Variants in KCNAB1 observed in about 807,000 individuals in gnomAD.
KCNAB1 encodes potassium voltage-gated channel subfamily A regulatory beta subunit 1.
A neutral mutation model predicts 64.6 loss-of-function variants in KCNAB1; 35 were observed. The observed-to-expected ratio is 0.54, with a 90% confidence interval of 0.41 to 0.72. The LOEUF is 0.72. Ranked by LOEUF, KCNAB1 falls within the 30% of genes least tolerant of loss-of-function variation. The pLI is 0.00. For synonymous variants in KCNAB1, 177 were observed against 183.8 expected, an observed-to-expected ratio of 0.96 and a Z score of 0.30; for missense variants, 401 against 512.9, an observed-to-expected ratio of 0.78 and a Z score of 2.11.
At position 156,421,613 on chromosome 3, in the gene KCNAB1, T is replaced by C. The variant is rs1171720229; in HGVS notation, c.276-3T>C. 2.5e-6 allele frequency: 4 copies of C among 1,613,770 alleles called. No individual in the cohort carries two copies. Among genetic ancestry groups the C allele is most frequent in the Admixed American group, 3.3e-5 (2 of 59,992 alleles). ...ACCAAGTGTTGCTTTGTTTTTATTATAGGAATCTTGGAAAATCAGGACTCA... is the reference window on the plus strand; with the variant it reads ...ACCAAGTGTTGCTTTGTTTTTATTACAGGAATCTTGGAAAATCAGGACTCA... On this transcript the variant is annotated splice_region_variant and splice_polypyrimidine_tract_variant and intron_variant, in intron 1 of 13. Coordinates refer to ENST00000490337, the MANE Select transcript of KCNAB1 (RefSeq NM_172160.3).
At chr3:156,281,512 A>G (rs1269744228) in intron 1 of KCNAB1, among the ~76,000 whole-genome samples, 3 of 151,852 alleles carry the variant, frequency 2.0e-5, no homozygotes, top group Admixed American at 6.6e-5. Flanking sequence ...CTCTTTTTCT[A>G]TTGATTGGAA....
intron 1 of KCNAB1, chr3:156,291,345 A>G: frequency 2.0e-6 from 2 of 992,782 alleles, no homozygotes; most frequent in Non-Finnish European, 2.4e-6. Flanking sequence ...GATGGAGACC[A>G]CCAGTCCGAG....
intron 1 of KCNAB1, among the ~76,000 whole-genome samples, chr3:156,368,297 G>A (rs970548900): frequency 2.6e-5 from 4 of 152,196 alleles, no homozygotes; most frequent in African/African-American, 9.6e-5. Flanking sequence ...GTAGGGAGCA[G>A]TTCTCTGTGC....
intron 1 of KCNAB1, among the ~76,000 whole-genome samples, chr3:156,323,421 A>C (rs909432342): frequency 6.6e-6 from 1 of 152,196 alleles, no homozygotes; most frequent in African/African-American, 2.4e-5. Context: ...ACATCATCCC[A>C]GTAGAACTCT....
chr3:156,441,419 T>C (rs888572323), intron 2 of KCNAB1: 2 of 152,132 alleles, frequency 1.3e-5, no homozygotes, highest in South Asian at 4.1e-4. Context: ...CTTCTTTTCA[T>C]AGTAACTTAC....
At chr3:156,218,145 G>A (rs1441014123) in intron 1 of KCNAB1, 2 of 152,290 alleles carry the variant, frequency 1.3e-5, no homozygotes, top group African/African-American at 4.8e-5. Flanking sequence ...GTGCTGTTGT[G>A]GGGACATGGT....
intron 1 of KCNAB1, among the ~76,000 whole-genome samples, chr3:156,248,651 A>G (rs1339132757): frequency 2.0e-5 from 3 of 152,140 alleles, no homozygotes; most frequent in African/African-American, 7.2e-5. Flanking sequence ...ATAAATGACA[A>G]TGGAGGCCCA....
intron 1 of KCNAB1, among the ~76,000 whole-genome samples, chr3:156,380,148 C>T (rs552566464): frequency 1.3e-5 from 2 of 152,188 alleles, no homozygotes; most frequent in Non-Finnish European, 2.9e-5. Context: ...CCCCATCCAT[C>T]AGCTGAGGTC....
At chr3:156,176,845 C>T in intron 1 of KCNAB1, 1 of 1,056,202 alleles carries the variant, frequency 9.5e-7, no homozygotes, top group African/African-American at 1.6e-5. Context: ...AACAGCAACT[C>T]ATGCCGCTGC....
At chr3:156,343,291 T>G (rs146320931) in intron 1 of KCNAB1, among the ~76,000 whole-genome samples, 78 of 152,352 alleles carry the variant, frequency 5.1e-4, no homozygotes, top group Non-Finnish European at 8.2e-4. Context: ...GGCTCTGGAT[T>G]CTGTATTCCT....
chr3:156,404,945 T>C (rs932710670), intron 1 of KCNAB1, among the ~76,000 whole-genome samples: 1 of 152,338 alleles, frequency 6.6e-6, no homozygotes, highest in Non-Finnish European at 1.5e-5. Context: ...AAAAGAGATG[T>C]ACTTAAGATT....
chr3:156,495,273 T>C (rs1715933723), intron 8 of KCNAB1, among the ~76,000 whole-genome samples: 1 of 152,100 alleles, frequency 6.6e-6, no homozygotes, highest in Admixed American at 6.6e-5. Context: ...ACTTTTACAC[T>C]ATTGGTGGAA....
chr3:156,501,422 CTTTTTTTTTTTTTT>C (rs34628325), intron 8 of KCNAB1, among the ~76,000 whole-genome samples: 5 of 82,522 alleles, frequency 6.1e-5, no homozygotes, highest in African/African-American at 9.3e-5. Context: ...GACTTAGTAC[CTTTTTTTTTTTTTT>C]TTTTTTTTTT....
chr3:156,494,226 T>G (rs1289036178), intron 8 of KCNAB1, among the ~76,000 whole-genome samples: 1 of 152,176 alleles, frequency 6.6e-6, no homozygotes, highest in Non-Finnish European at 1.5e-5. Context: ...ATTTGTTTAT[T>G]TATATCAATA....
intron 1 of KCNAB1, among the ~76,000 whole-genome samples, chr3:156,420,914 G>C (rs1048337639): frequency 2.0e-5 from 3 of 150,880 alleles, no homozygotes; most frequent in Admixed American, 2.0e-4. Context: ...TGTTCCCGTG[G>C]TAATTTTATG....
chr3:156,336,458 A>T (rs531934705), intron 1 of KCNAB1, among the ~76,000 whole-genome samples: 2 of 152,274 alleles, frequency 1.3e-5, no homozygotes, highest in Non-Finnish European at 1.5e-5. Flanking sequence ...AACAACAAAT[A>T]CTCTTTCAAG....
Position 156,396,410 on chromosome 3 carries a change from T to C in KCNAB1, c.276-25206T>C, listed in dbSNP as rs551768633. ...AACAGGGCAGCCACTTTCATCCTTC[T>C]ATACTTAAAACACATCTTTTCAATC... On this transcript the variant is annotated intron_variant, in intron 1 of 13. Coordinates refer to ENST00000490337, the MANE Select transcript of KCNAB1 (RefSeq NM_172160.3). Among the ~76,000 whole-genome samples, 7 of 152,366 alleles carry C rather than the reference T, an allele frequency of 4.6e-5. No homozygotes were observed. The South Asian group carries it at 1.5e-3, about 32-fold the overall frequency.
rs912064728 is a variant in KCNAB1, at chr3:156,170,194, G to A, written c.275+49308G>A. ...TCCTATGGGGCCTGTGGGGCCAATC[G>A]TCATGGGTTTCCCTTCCCAAGGAAT... On this transcript the variant is annotated intron_variant, in intron 1 of 13. Transcript: ENST00000490337. Among the ~76,000 whole-genome samples, 7 of 150,892 alleles carry A rather than the reference G, an allele frequency of 4.6e-5. No homozygotes were observed. The South Asian group carries it at 6.3e-4, about 14-fold the overall frequency.
intron 2 of KCNAB1, among the ~76,000 whole-genome samples, chr3:156,434,488 T>C (rs886614931): frequency 6.6e-6 from 1 of 151,402 alleles, no homozygotes; most frequent in African/African-American, 2.4e-5. Flanking sequence ...GTAGAGAAAA[T>C]ACAAAAGGAA....
Sources: gnomAD v4.1 joint callset for allele counts (sites outside exome capture counted in the v4.1 genomes callset) on GRCh38, gnomAD v4.1.1 for gene constraint, MANE v1.5 for transcripts, NCBI Gene and HGNC (gene_info 2026-07-23, HGNC 2026-07-21) for gene names.